PCBP3: variants seen among roughly 807,000 people sequenced by gnomAD.
PCBP3 encodes the protein poly(rC) binding protein 3.
PCBP3 carries 25 observed loss-of-function variants against 52.7 expected under a neutral mutation model. The observed-to-expected ratio is 0.47, with a 90% CI of 0.35 to 0.66. The LOEUF is 0.66. Among genes scored for constraint, PCBP3 ranks in the 30% least tolerant of loss-of-function variants. The pLI, the probability that PCBP3 is intolerant of heterozygous loss-of-function variation, is 0.01. For missense variants in PCBP3, 391 were observed against 490.3 expected (o/e 0.80, Z 1.91); for synonymous variants, 162 against 183.0 (o/e 0.89, Z 0.93).
chr21:45,646,107 C>CTCTCTCTCTCTGTGTGTG (rs1555895746), intron 1 of PCBP3, among the ~76,000 whole-genome samples: 53 of 83,816 alleles, frequency 6.3e-4, no homozygotes, highest in Non-Finnish European at 8.9e-4. Flanking sequence ...CTCTCTCTCT[C>CTCTCTCTCTCTGTGTGTG]TGTGTGTGTG....
intron 3 of PCBP3, among the ~76,000 whole-genome samples, chr21:45,743,003 A>G (rs1020718081): frequency 3.3e-5 from 5 of 152,224 alleles, no homozygotes; most frequent in Non-Finnish European, 5.9e-5. Context: ...TTTAAATTAT[A>G]AACAGCTGAC....
chr21:45,863,886 T>C (rs187523592), intron 5 of PCBP3, among the ~76,000 whole-genome samples: 1 of 152,196 alleles, frequency 6.6e-6, no homozygotes, highest in Admixed American at 6.5e-5. Context: ...GGGAAATGCC[T>C]AGAGGAACCG....
rs113716702 is a variant in PCBP3, at chr21:45,788,178, C to T, written c.-126+32726C>T. On this transcript the variant is annotated intron_variant, in intron 4 of 17. Transcript: ENST00000681687. This position sits in a 1 kb window ranked among gnomAD's most constrained non-coding sequence, Gnocchi z 4.3. ...TTCAAGTAACAAGGTGTCCTGTGAA[C>T]CCCCCACAGTCAGATGGGTGAGGGA... The T allele has an allele frequency of 0.014, 2,159 of 152,486 alleles. 19 individuals carry two copies. Among genetic ancestry groups the T allele is most frequent in the Non-Finnish European group, 0.018 (1,257 of 68,216 alleles). 9.4% of individuals were successfully genotyped at this position (152,486 alleles called of 1,614,324 possible).
At chr21:45,859,257 G>T (rs969311224) in intron 5 of PCBP3, among the ~76,000 whole-genome samples, 3 of 111,966 alleles carry the variant, frequency 2.7e-5, no homozygotes, top group African/African-American at 1.1e-4. Context: ...GCTGAGCCAG[G>T]AGGGGCCGTG....
chr21:45,645,871 T>C (rs1271143324), intron 1 of PCBP3, among the ~76,000 whole-genome samples: 1 of 152,222 alleles, frequency 6.6e-6, no homozygotes, highest in African/African-American at 2.4e-5. Flanking sequence ...AAGGCAGTGC[T>C]TTGGGCCATA....
intron 4 of PCBP3, among the ~76,000 whole-genome samples, chr21:45,813,806 A>G (rs2092750367): frequency 6.6e-6 from 1 of 152,136 alleles, no homozygotes; most frequent in African/African-American, 2.4e-5. Flanking sequence ...AATAACCCCA[A>G]TGTGTCTGCC....
chr21:45,876,092 C>T (rs1023266848), intron 5 of PCBP3, among the ~76,000 whole-genome samples: 2 of 152,168 alleles, frequency 1.3e-5, no homozygotes, highest in Non-Finnish European at 1.5e-5. Flanking sequence ...CTAGAGGGCC[C>T]GTGGAGCCTG....
At position 45,735,217 on chromosome 21, in the gene PCBP3, T is replaced by C. The variant is rs2085776212; in HGVS notation, c.-199-175T>C. On this transcript the variant is annotated intron_variant, in intron 2 of 17. Coordinates refer to ENST00000681687, the MANE Select transcript of PCBP3 (RefSeq NM_001384156.1). This position sits in a 1 kb window ranked among gnomAD's most constrained non-coding sequence, Gnocchi z 4.0. ...TTGAATCACTTTTTATGGAATTCTT[T>C]CTCTGGGAAACTGTCTTTGACCTTC... Among the ~76,000 whole-genome samples the C allele has an allele frequency of 6.6e-6, 1 of 152,212 alleles. No individual in the cohort carries two copies. The highest frequency in any genetic ancestry group is 2.1e-4 in the South Asian group (1 of 4,836).
Position 45,900,638 on chromosome 21 carries a change from TC to T in PCBP3, c.222+19del. 5.3e-6 allele frequency: 4 copies of T among 751,520 alleles called. No individual in the cohort carries two copies. The highest frequency in any genetic ancestry group is 8.6e-6 in the Non-Finnish European group (4 of 464,016). 46.6% of individuals were successfully genotyped at this position (751,520 alleles called of 1,614,324 possible). A position where few individuals can be genotyped will look rare whatever the true frequency, so the allele number is the denominator to read the frequency against. The stretch of plus-strand genomic sequence containing the variant: ...TGCGTGAGGAGGTGAGTGTGGTGGG[TC>T]CCCACCTGTCCGCAGCCATTCCCGG... On this transcript the variant is annotated intron_variant, in intron 8 of 17. Transcript: ENST00000681687.
At chr21:45,810,870 G>A (rs1032279117) in intron 4 of PCBP3, among the ~76,000 whole-genome samples, 1 of 152,138 alleles carries the variant, frequency 6.6e-6, no homozygotes, top group African/African-American at 2.4e-5. Context: ...TCCTTTTACA[G>A]TTTGTATCAA....
chr21:45,745,329 G>A (rs1483702168), intron 3 of PCBP3, among the ~76,000 whole-genome samples: 1 of 152,162 alleles, frequency 6.6e-6, no homozygotes, highest in Non-Finnish European at 1.5e-5. Context: ...GAAATACAGA[G>A]CTTCCCAGAC....
intron 2 of PCBP3, among the ~76,000 whole-genome samples, chr21:45,718,672 G>C (rs1471216267): frequency 6.6e-6 from 1 of 152,054 alleles, no homozygotes; most frequent in African/African-American, 2.4e-5. Context: ...TTGGATTGCT[G>C]CAAGCCTTTG....
chr21:45,921,234 A>C (rs989586652), intron 13 of PCBP3, among the ~76,000 whole-genome samples: 5 of 106,522 alleles, frequency 4.7e-5, no homozygotes, highest in Non-Finnish European at 1.2e-4. Context: ...ATTTCTTACT[A>C]TATCAATATA....
chr21:45,764,119 CT>C lies in PCBP3; in HGVS notation c.-126+8681del, dbSNP rs71185167. Among the ~76,000 whole-genome samples, 393 of 119,762 alleles carry C rather than the reference CT, an allele frequency of 3.3e-3. 2 individuals are homozygous for C. Among genetic ancestry groups the C allele is most frequent in the Admixed American group, 6.9e-3 (85 of 12,316 alleles). 78.6% of individuals were successfully genotyped at this position (119,762 alleles called of 152,430 possible). A position where few individuals can be genotyped will look rare whatever the true frequency, so the allele number is the denominator to read the frequency against. On this transcript the variant is annotated intron_variant, in intron 4 of 17. Transcript: ENST00000681687. ...CAAAGTTTCTCATTCTTTTTTTTTT[CT>C]TTTTTTTTTTTTTGTTTTTGAGATG...
At chr21:45,660,352 G>A (rs535708960) in intron 1 of PCBP3, among the ~76,000 whole-genome samples, 395 of 151,680 alleles carry the variant, frequency 2.6e-3, no homozygotes, top group African/African-American at 9.0e-3. Flanking sequence ...TTATTTGTTC[G>A]TTGTATTTAA....
chr21:45,670,105 C>G (rs2081081765), intron 2 of PCBP3, among the ~76,000 whole-genome samples: 1 of 152,042 alleles, frequency 6.6e-6, no homozygotes, highest in South Asian at 2.1e-4. Context: ...TCCAGCTTCT[C>G]CACATCCTAA....
chr21:45,761,976 C>T (rs2088719232), intron 4 of PCBP3: 1 of 152,282 alleles, frequency 6.6e-6, no homozygotes, highest in African/African-American at 2.4e-5. Context: ...ATTCCTGACA[C>T]AGGCTCGTGC....
At chr21:45,850,912 A>G (rs2093971032) in intron 5 of PCBP3, among the ~76,000 whole-genome samples, 2 of 152,270 alleles carry the variant, frequency 1.3e-5, no homozygotes, top group South Asian at 2.1e-4. Flanking sequence ...ATAATATGCT[A>G]TAAAAAACTC....
intron 5 of PCBP3, among the ~76,000 whole-genome samples, chr21:45,857,968 C>G (rs572805073): frequency 1.3e-5 from 2 of 152,182 alleles, no homozygotes; most frequent in Admixed American, 6.5e-5. Flanking sequence ...TGCCTCCCCC[C>G]ACAGCCAAGC....
Sources: allele counts gnomAD v4.1 joint callset (sites outside exome capture counted in the v4.1 genomes callset), GRCh38; gene constraint gnomAD v4.1.1; non-coding constraint Gnocchi (gnomAD v3.1); transcripts MANE v1.5; gene names NCBI Gene and HGNC (gene_info 2026-07-23, HGNC 2026-07-21).